EPB41L3: variants seen among roughly 807,000 people sequenced by gnomAD.
EPB41L3 encodes erythrocyte membrane protein band 4.1 like 3.
In EPB41L3, 57 loss-of-function variants were observed where a neutral mutation model predicts 127.1. The observed-to-expected ratio is 0.45, with a 90% CI of 0.36 to 0.56. The LOEUF (loss-of-function observed/expected upper bound fraction) is 0.56. Ranked by LOEUF, EPB41L3 falls within the 20% of genes least tolerant of loss-of-function variation. The pLI is 0.00. For missense variants in EPB41L3, 1,273 were observed against 1,372.2 expected (o/e 0.93, Z 1.14); for synonymous variants, 572 against 549.5 (o/e 1.04, Z -0.57).
At chr18:5,433,699 G>C in intron 7 of EPB41L3, 143 bp from the exon 8 acceptor site, 1 of 891,778 alleles carries the variant, frequency 1.1e-6, no homozygotes, top group Non-Finnish European at 1.7e-6. Flanking sequence ...CAAGAAAAAG[G>C]GCTTTGCAAG....
intron 2 of EPB41L3, among the ~76,000 whole-genome samples, chr18:5,484,050 C>A (rs1321148871): frequency 1.8e-5 from 2 of 111,242 alleles, no homozygotes; most frequent in Non-Finnish European, 3.4e-5. Flanking sequence ...CCAGAACAGA[C>A]CATGTCTTAG....
chr18:5,519,128 A>G (rs1278906570), intron 1 of EPB41L3, among the ~76,000 whole-genome samples: 4 of 152,186 alleles, frequency 2.6e-5, no homozygotes, highest in African/African-American at 7.2e-5. Context: ...AGGAGAAGAA[A>G]ACGACGAGTG....
intron 14 of EPB41L3, among the ~76,000 whole-genome samples, chr18:5,408,056 TG>T (rs2075704914): frequency 6.6e-6 from 1 of 152,062 alleles, no homozygotes; most frequent in Non-Finnish European, 1.5e-5. Flanking sequence ...GTTCAGGAAG[TG>T]GGGGGAGCCA....
intron 18 of EPB41L3, among the ~76,000 whole-genome samples, chr18:5,396,856 A>G (rs1321936240): frequency 6.6e-6 from 1 of 152,058 alleles, no homozygotes; most frequent in Non-Finnish European, 1.5e-5. Context: ...TAATTAAGAG[A>G]TATGTTTGCA....
At chr18:5,568,486 G>T (rs1383308534) in intron 3 of EPB41L3, among the ~76,000 whole-genome samples, 2 of 137,926 alleles carry the variant, frequency 1.5e-5, no homozygotes, top group African/African-American at 5.4e-5. Context: ...ACACATCAAA[G>T]AATCCTTTTG....
At position 5,406,920 on chromosome 18, in the gene EPB41L3, T is replaced by C. The variant is rs2075486261; in HGVS notation, c.2206A>G (p.Ser736Gly). ...TCTAAGAAGGTTCTTTTCAGCTCGC[T>C]AATGTTGGTTTGATGTTTCATCAGG... ...DDLMKHQTNI[S>G]ELKRTFLETS... The change falls in exon 16 of 23, where the codon AGC (serine) becomes GGC (glycine). Residue 736 changes from serine to glycine, a missense_variant. Ser to Gly is a moderately conservative substitution (Grantham distance 56). Transcript: ENST00000341928. 2.5e-6 allele frequency: 4 copies of C among 1,614,108 alleles called. No individual in the cohort carries two copies. The African/African-American group carries it at 5.3e-5, about 22-fold the overall frequency.
intron 3 of EPB41L3, among the ~76,000 whole-genome samples, chr18:5,458,158 C>T (rs2083406632): frequency 6.6e-6 from 1 of 152,180 alleles, no homozygotes; most frequent in Non-Finnish European, 1.5e-5. Context: ...TTATATTTCT[C>T]TACCATGCAG....
chr18:5,425,165 C>G (rs559452018), intron 9 of EPB41L3, among the ~76,000 whole-genome samples: 2 of 152,136 alleles, frequency 1.3e-5, no homozygotes. Context: ...ACAATGGGTA[C>G]TACTGCTATA....
At chr18:5,444,092 G>A (rs2081151683) in intron 4 of EPB41L3, among the ~76,000 whole-genome samples, 1 of 152,200 alleles carries the variant, frequency 6.6e-6, no homozygotes, top group Admixed American at 6.5e-5. Context: ...CATGTATGCA[G>A]TTTGGGCCTG....
At chr18:5,483,565 A>C (rs2089023196) in intron 2 of EPB41L3, among the ~76,000 whole-genome samples, 1 of 152,120 alleles carries the variant, frequency 6.6e-6, no homozygotes, top group Admixed American at 6.5e-5. Flanking sequence ...ACAAGAACCA[A>C]CTATATGTTA....
chr18:5,537,178 A>G (rs1481842897), intron 1 of EPB41L3, among the ~76,000 whole-genome samples: 1 of 152,238 alleles, frequency 6.6e-6, no homozygotes, highest in Non-Finnish European at 1.5e-5. Context: ...TACGTAATAC[A>G]TTCAGAAAGG....
At chr18:5,516,318 C>G (rs1343625233) in intron 1 of EPB41L3, among the ~76,000 whole-genome samples, 5 of 152,168 alleles carry the variant, frequency 3.3e-5, no homozygotes, top group Admixed American at 6.5e-5. Flanking sequence ...TTATTTATCT[C>G]GATTATAGGG....
intron 8 of EPB41L3, among the ~76,000 whole-genome samples, chr18:5,433,001 G>C (rs1223934239): frequency 6.6e-6 from 1 of 152,182 alleles, no homozygotes; most frequent in Non-Finnish European, 1.5e-5. Context: ...TTGAGTCTTG[G>C]ACAATCGGCT....
At chr18:5,422,818 C>T (rs1598743945) in intron 11 of EPB41L3, among the ~76,000 whole-genome samples, 1 of 152,218 alleles carries the variant, frequency 6.6e-6, no homozygotes, top group Non-Finnish European at 1.5e-5. Flanking sequence ...CCCTACCTAG[C>T]ACTGTTCTCC....
rs1306700566 is a variant in EPB41L3 at position 5,437,489 on chromosome 18, T to C, written c.605+546A>G. ...CAGACTAAGACATCCAGTACAGCTT[T>C]ATAATGAGATCCCCTTTCACACTCA... On this transcript the variant is annotated intron_variant, in intron 6 of 22. Coordinates refer to ENST00000341928, the MANE Select transcript of EPB41L3 (RefSeq NM_012307.5). Among the ~76,000 whole-genome samples, 4 of 152,242 alleles carry C rather than the reference T, an allele frequency of 2.6e-5. No individual in the cohort carries two copies. In the East Asian group the frequency reaches 5.8e-4, roughly 22 times the overall value.
chr18:5,453,425 A>G (rs1458038507), intron 3 of EPB41L3, among the ~76,000 whole-genome samples: 6 of 152,194 alleles, frequency 3.9e-5, no homozygotes, highest in African/African-American at 1.4e-4. Flanking sequence ...AGGTGTGTGC[A>G]TTGGCAAGGC....
intron 11 of EPB41L3, chr18:5,420,144 A>G: frequency 1.7e-6 from 1 of 571,656 alleles, no homozygotes; most frequent in East Asian, 3.4e-5. Context: ...TGAAATGCTC[A>G]TGTCTTGGAA....
chr18:5,574,384 T>TG (rs938579957), intron 3 of EPB41L3, among the ~76,000 whole-genome samples: 8 of 151,502 alleles, frequency 5.3e-5, no homozygotes, highest in African/African-American at 9.7e-5. Context: ...GAATCAGTTT[T>TG]TTTTTTTTTT....
In EPB41L3 at chr18:5,526,125, G is replaced by A. The variant is rs187572116; in HGVS notation, c.-12+17788C>T. Among the ~76,000 whole-genome samples, 1,034 of 152,220 alleles carry A rather than the reference G, an allele frequency of 6.8e-3. 20 individuals carry two copies. Among genetic ancestry groups the A allele is most frequent in the Admixed American group, 0.038 (579 of 15,294 alleles). On this transcript the variant is annotated intron_variant, in intron 1 of 22. Coordinates refer to ENST00000341928, the MANE Select transcript of EPB41L3 (RefSeq NM_012307.5). ...AAAAGAGCTTCAAAACATCCAATTT[G>A]CTGTTCCAGGCCTGAGACATAATCC...
Sources: allele counts gnomAD v4.1 joint callset (sites outside exome capture counted in the v4.1 genomes callset), GRCh38; gene constraint gnomAD v4.1.1; transcripts MANE v1.5; gene names NCBI Gene and HGNC (gene_info 2026-07-23, HGNC 2026-07-21).